The following ZNF75D variants were observed in gnomAD, a reference collection of about 807,000 sequenced individuals.
ZNF75D encodes zinc finger protein 75.
Under a neutral mutation model 33.3 loss-of-function variants are expected in ZNF75D, and 33 were observed. The observed-to-expected ratio is 0.99, with a 90% CI of 0.75 to 1.32. The LOEUF (loss-of-function observed/expected upper bound fraction) is 1.32, where lower values mean the gene tolerates loss of function less well. Ranked by LOEUF, ZNF75D falls within the 40% of genes most tolerant of loss-of-function variation. The pLI is 0.00. For synonymous variants in ZNF75D, 113 were observed against 130.6 expected (o/e 0.87, Z 0.92); for missense variants, 338 against 367.5 (o/e 0.92, Z 0.66).
chrX:135,291,146 G>T lies in ZNF75D; in HGVS notation c.697-11C>A. The T allele has an allele frequency of 8.3e-7, 1 of 1,210,695 alleles. No homozygotes were observed. Among genetic ancestry groups the T allele is most frequent in the Non-Finnish European group, 1.1e-6 (1 of 894,818 alleles). ...AAATGTCAACAAACTCTAAAGAAGA[G>T]AATGGGCTATAGTTTAGTACTTGCC... is the stretch of plus-strand genomic sequence containing the variant. On this transcript the variant is annotated splice_polypyrimidine_tract_variant and intron_variant, in intron 5 of 6. Coordinates refer to ENST00000370766, the MANE Select transcript of ZNF75D (RefSeq NM_007131.5).
In ZNF75D at chrX:135,286,888, G is replaced by C. The variant is rs2083960993; in HGVS notation, c.*249C>G. 2.7e-6 allele frequency: 1 copy of C among 370,929 alleles called. No individual in the cohort carries two copies. Among genetic ancestry groups the C allele is most frequent in the Admixed American group, 5.4e-5 (1 of 18,520 alleles). 30.6% of individuals were successfully genotyped at this position (370,929 alleles called of 1,213,427 possible). ...ATAACCAGATATATACATATAGATA[G>C]ATAGCTAAAGGAATCTCATCACTAC... On this transcript the variant is annotated 3_prime_UTR_variant, in exon 7 of 7. Transcript: ENST00000370766.
chrX:135,341,577 A>C (rs2084785297), intron 1 of ZNF75D, among the ~76,000 whole-genome samples, 191 bp downstream of exon 1: 1 of 112,278 alleles, frequency 8.9e-6, no homozygotes, highest in South Asian at 3.7e-4. Context: ...AACTGACAGA[A>C]TCCTCATACT....
chrX:135,290,510 T>C (rs1569489059), intron 6 of ZNF75D, among the ~76,000 whole-genome samples: 1 of 112,554 alleles, frequency 8.9e-6, no homozygotes, highest in African/African-American at 3.2e-5. Context: ...CTATAAAATA[T>C]TGTAGTTGGA....
intron 1 of ZNF75D, among the ~76,000 whole-genome samples, chrX:135,305,372 G>C (rs782189705): frequency 3.0e-4 from 34 of 111,615 alleles, no homozygotes; most frequent in Non-Finnish European, 5.8e-4. Context: ...TGAACACCTT[G>C]TATGCTAATT....
intron 6 of ZNF75D, among the ~76,000 whole-genome samples, chrX:135,289,611 GACACACACACACACAGACACACAC>G (rs1187687651): frequency 8.5e-5 from 7 of 82,068 alleles, no homozygotes; most frequent in African/African-American, 3.3e-4. Context: ...GTGAGACTCT[GACACACACACACACAGACACACAC>G]ACACACACAC....
At chrX:135,269,528 A>G (rs189331609) in intron 1 of ZNF75D, among the ~76,000 whole-genome samples, 1 of 112,442 alleles carries the variant, frequency 8.9e-6, no homozygotes, top group Non-Finnish European at 1.9e-5. Context: ...GAGAAATACC[A>G]ATCAAAACTA....
chrX:135,281,756 G>A (rs1243799622), downstream of ZNF75D, among the ~76,000 whole-genome samples: 5 of 112,258 alleles, frequency 4.5e-5, no homozygotes, highest in Non-Finnish European at 9.4e-5. Flanking sequence ...TTCTGCTTCA[G>A]GTCTGCTGGA....
intron 1 of ZNF75D, among the ~76,000 whole-genome samples, chrX:135,298,944 A>G (rs1338383936): frequency 3.6e-5 from 4 of 111,883 alleles, no homozygotes; most frequent in African/African-American, 1.3e-4. Flanking sequence ...CTTCATCCAT[A>G]TTGTAACATG....
intron 1 of ZNF75D, among the ~76,000 whole-genome samples, chrX:135,307,952 T>C (rs2084309204): frequency 8.9e-6 from 1 of 112,334 alleles, no homozygotes; most frequent in African/African-American, 3.2e-5. Flanking sequence ...CAGTGGGTGC[T>C]GTAATCTACA....
chrX:135,304,443 C>T (rs2084259389), intron 1 of ZNF75D, among the ~76,000 whole-genome samples: 2 of 111,606 alleles, frequency 1.8e-5, no homozygotes, highest in African/African-American at 6.5e-5. Context: ...AGAGGTGAGA[C>T]ACTGCAACTT....
At chrX:135,313,874 T>C (rs2084388696) in intron 1 of ZNF75D, among the ~76,000 whole-genome samples, 1 of 112,216 alleles carries the variant, frequency 8.9e-6, no homozygotes. Flanking sequence ...GTTTATCAGC[T>C]CTAAGAGTTT....
intron 1 of ZNF75D, chrX:135,327,927 G>A (rs937719074): frequency 1.8e-5 from 2 of 111,976 alleles, no homozygotes; most frequent in Non-Finnish European, 3.8e-5. Flanking sequence ...TGTAAATGGG[G>A]TGTTTAATTG....
chrX:135,325,531 C>T (rs931675323), intron 1 of ZNF75D, among the ~76,000 whole-genome samples: 76 of 111,944 alleles, frequency 6.8e-4, no homozygotes, highest in Non-Finnish European at 1.2e-3. Flanking sequence ...ATGGGCTTGG[C>T]GGGCCCCGCA....
intron 1 of ZNF75D, among the ~76,000 whole-genome samples, chrX:135,268,071 T>A (rs782000996): frequency 1.9e-5 from 2 of 104,701 alleles, no homozygotes; most frequent in African/African-American, 3.5e-5. Flanking sequence ...TATTTCTTCA[T>A]GGTAAAAATC....
chrX:135,265,924 G>A (rs1043892757), intron 1 of ZNF75D, among the ~76,000 whole-genome samples: 2 of 112,182 alleles, frequency 1.8e-5, no homozygotes, highest in Non-Finnish European at 3.8e-5. Flanking sequence ...GACAGGGACA[G>A]TAGAATAAGA....
chrX:135,284,918 T>G (rs1310884264), downstream of ZNF75D, among the ~76,000 whole-genome samples: 1 of 111,914 alleles, frequency 8.9e-6, no homozygotes, highest in East Asian at 2.8e-4. Flanking sequence ...TTATAAAAGC[T>G]ACATGAATAA....
intron 1 of ZNF75D, among the ~76,000 whole-genome samples, chrX:135,263,463 G>T (rs1397769716): frequency 2.7e-5 from 3 of 112,850 alleles, no homozygotes; most frequent in African/African-American, 9.7e-5. Flanking sequence ...AGCTGCAGTG[G>T]GCTCGTCCCA....
intron 4 of ZNF75D, 21 bp from the exon 5 acceptor site, chrX:135,291,584 G>C (rs1556421277): frequency 1.7e-6 from 2 of 1,200,325 alleles, no homozygotes; most frequent in African/African-American, 3.5e-5. Flanking sequence ...AAAATAGCCA[G>C]GGAAAATTTC....
At chrX:135,329,262 T>C (rs1312189558) in intron 1 of ZNF75D, among the ~76,000 whole-genome samples, 2 of 111,676 alleles carry the variant, frequency 1.8e-5, no homozygotes, top group Non-Finnish European at 3.8e-5. Flanking sequence ...TAGAGATATT[T>C]TTCATGCCTT....
Sources: gnomAD v4.1 joint callset for allele counts (sites outside exome capture counted in the v4.1 genomes callset) on GRCh38, gnomAD v4.1.1 for gene constraint, MANE v1.5 for transcripts, NCBI Gene and HGNC (gene_info 2026-07-23, HGNC 2026-07-21) for gene names.